Variants in CDH4 observed in about 807,000 individuals in gnomAD.
CDH4 encodes cadherin-4.
Under a neutral mutation model 86.0 loss-of-function variants are expected in CDH4, and 33 were observed. The observed-to-expected ratio is 0.38, with a 90% CI of 0.29 to 0.51. The LOEUF (loss-of-function observed/expected upper bound fraction) is 0.51. CDH4 is among the 20% of genes least tolerant of loss of function. The probability of loss-of-function intolerance (pLI) is 0.86; values close to 1 mark genes in which losing one functional copy is unlikely to be tolerated. For synonymous variants in CDH4, 555 were observed against 549.4 expected, an observed-to-expected ratio of 1.01 and a Z score of -0.14; for missense variants, 1,114 against 1,307.4, an observed-to-expected ratio of 0.85 and a Z score of 2.28.
chr20:61,665,218 G>A (rs1170475411), intron 2 of CDH4, among the ~76,000 whole-genome samples: 1 of 152,236 alleles, frequency 6.6e-6, no homozygotes, highest in Non-Finnish European at 1.5e-5. Context: ...GGGAAGGCGA[G>A]CACCATGCTG....
chr20:61,913,118 A>T (rs1297217733), intron 9 of CDH4, among the ~76,000 whole-genome samples: 1 of 152,042 alleles, frequency 6.6e-6, no homozygotes, highest in Non-Finnish European at 1.5e-5. Context: ...CTTCACGGGG[A>T]GCACAACGGG....
In CDH4 at chr20:61,918,114, TG is replaced by T. The variant is rs113191996; in HGVS notation, c.1375-5330del. Among the ~76,000 whole-genome samples the T allele has an allele frequency of 5.1e-4, 78 of 152,280 alleles. 1 individual carries two copies. Among genetic ancestry groups the T allele is most frequent in the African/African-American group, 1.8e-3 (74 of 41,554 alleles). ...CTGCAGGCGTTGGCATGGACAGCTC[TG>T]GGGGGGACCCCAACACGATGTGGGT... On this transcript the variant is annotated intron_variant, in intron 9 of 15. Transcript: ENST00000614565.
chr20:61,573,451 T>C (rs1052501248), intron 2 of CDH4, among the ~76,000 whole-genome samples: 1 of 152,252 alleles, frequency 6.6e-6, no homozygotes, highest in African/African-American at 2.4e-5. Context: ...GGACTGTTGC[T>C]ATAATTAGAC....
At chr20:61,766,312 C>T (rs74755259) in intron 3 of CDH4, among the ~76,000 whole-genome samples, 3,679 of 152,174 alleles carry the variant, frequency 0.024, 146 homozygotes, top group African/African-American at 0.084. Flanking sequence ...TGGGACACCC[C>T]GAGTTCGCCT....
At chr20:61,648,032 C>T (rs1321862769) in intron 2 of CDH4, among the ~76,000 whole-genome samples, 1 of 152,150 alleles carries the variant, frequency 6.6e-6, no homozygotes. Context: ...AGACGCTTCC[C>T]AATTAGGGGC....
chr20:61,772,970 T>A, intron 3 of CDH4, 33 bp from the exon 4 acceptor site: 1 of 1,587,154 alleles, frequency 6.3e-7, no homozygotes, highest in Non-Finnish European at 8.6e-7. Flanking sequence ...TAACTGGACT[T>A]CTCTGCCTCT....
chr20:61,519,889 C>T (rs2085856268), intron 2 of CDH4, among the ~76,000 whole-genome samples: 1 of 152,186 alleles, frequency 6.6e-6, no homozygotes, highest in Admixed American at 6.5e-5. Context: ...TCATGCCCAC[C>T]TGAGACATGA....
At chr20:61,490,865 G>T (rs896328895) in intron 2 of CDH4, among the ~76,000 whole-genome samples, 1 of 152,054 alleles carries the variant, frequency 6.6e-6, no homozygotes, top group African/African-American at 2.4e-5. Context: ...TTAAAGAAAC[G>T]TAAAGTTACA....
intron 7 of CDH4, among the ~76,000 whole-genome samples, chr20:61,888,281 A>T (rs779878303): frequency 3.9e-5 from 6 of 152,170 alleles, no homozygotes; most frequent in Non-Finnish European, 8.8e-5. Flanking sequence ...TTGGGTTCTC[A>T]TTGGCAAGCC....
intron 11 of CDH4, 49 bp from the exon 12 acceptor site, chr20:61,928,141 C>A (rs376240042): frequency 1.3e-5 from 19 of 1,441,290 alleles, no homozygotes; most frequent in Admixed American, 1.7e-5. Context: ...GTGGGTTGGT[C>A]ATGGAGTACC....
rs2084067336 is a variant in CDH4, at chr20:61,252,538, C to T, written c.25C>T (p.Leu9Phe). Residue 9 changes from leucine to phenylalanine, a missense_variant, in exon 1 of 16, where the codon CTT becomes TTT. Around this residue, in one of 3 missense-constraint regions of CDH4, gnomAD observed 221 missense variants for 209.5 expected, o/e 1.05. Coordinates refer to ENST00000614565, the MANE Select transcript of CDH4 (RefSeq NM_001794.5). The surrounding 1 kb of genome is among the most constrained non-coding windows in gnomAD (Gnocchi z 4.4). ...GATGACCGCGGGCGCCGGCGTGCTC[C>T]TTCTGCTGCTCTCGCTCTCCGGCGC... MTAGAGVL[L>F]LLLSLSGALR... 2.5e-6 allele frequency: 3 copies of T among 1,201,062 alleles called. No individual in the cohort carries two copies. The highest frequency in any genetic ancestry group is 4.4e-5 in the Admixed American group (1 of 22,522). The allele number at this position is 1,201,062 out of a possible 1,614,324, so 74.4% of individuals were successfully genotyped here.
intron 2 of CDH4, among the ~76,000 whole-genome samples, chr20:61,443,522 G>C (rs1250704348): frequency 1.3e-5 from 2 of 152,146 alleles, no homozygotes; most frequent in African/African-American, 4.8e-5. Flanking sequence ...TTTTGTCTTG[G>C]CATACCTTTC....
intron 2 of CDH4, among the ~76,000 whole-genome samples, chr20:61,315,443 C>G (rs951096643): frequency 1.3e-5 from 2 of 152,128 alleles, no homozygotes; most frequent in East Asian, 3.9e-4. Flanking sequence ...AGCCAGCCAG[C>G]CTCAGACAGA....
At position 61,534,665 on chromosome 20, in the gene CDH4, C is replaced by CTTTTTTTTTTTT. The variant is rs34309371; in HGVS notation, c.170-208887_170-208876dup. Among the ~76,000 whole-genome samples the CTTTTTTTTTTTT allele has an allele frequency of 1.4e-3, 108 of 76,006 alleles. 4 individuals are homozygous for CTTTTTTTTTTTT. Among genetic ancestry groups the CTTTTTTTTTTTT allele is most frequent in the African/African-American group, 5.3e-3 (49 of 9,306 alleles). The allele number at this position is 76,006 out of a possible 152,430, so 49.9% of individuals were successfully genotyped here. A position where few individuals can be genotyped will look rare whatever the true frequency, so the allele number is the denominator to read the frequency against. ...CTTTCTTTCTTTTCTTTCTTTCTTT[C>CTTTTTTTTTTTT]TTTTTTTTTTTTTTTTTTTTTTGAG... On this transcript the variant is annotated intron_variant, in intron 2 of 15. Transcript: ENST00000614565.
At position 61,754,392 on chromosome 20, in the gene CDH4, C is replaced by T. The variant is rs76318355; in HGVS notation, c.396+10603C>T. Among the ~76,000 whole-genome samples the T allele has an allele frequency of 0.12, 18,862 of 152,072 alleles. 1,575 individuals carry two copies. Among genetic ancestry groups the T allele is most frequent in the African/African-American group, 0.23 (9,456 of 41,442 alleles). On this transcript the variant is annotated intron_variant, in intron 3 of 15. Coordinates refer to ENST00000614565, the MANE Select transcript of CDH4 (RefSeq NM_001794.5). This position sits in a 1 kb window ranked among gnomAD's most constrained non-coding sequence, Gnocchi z 4.7. ...GAATCCTCTTGATGCAGCCACTCTT[C>T]CCTCCAGGGCTGTTGAGGACAAGTC...
intron 2 of CDH4, among the ~76,000 whole-genome samples, chr20:61,304,444 C>T (rs1022487706): frequency 5.9e-5 from 9 of 152,110 alleles, no homozygotes; most frequent in Non-Finnish European, 8.8e-5. Context: ...CTTCTCTAAA[C>T]GATGAGCCCC....
At chr20:61,372,252 A>G (rs2084844998) in intron 2 of CDH4, among the ~76,000 whole-genome samples, 1 of 152,182 alleles carries the variant, frequency 6.6e-6, no homozygotes, top group South Asian at 2.1e-4. Context: ...GGGAAGTCAC[A>G]CAGAGGTGAC....
rs201934323 is a variant in CDH4, at chr20:61,706,427, A to G, written c.170-37136A>G. Among the ~76,000 whole-genome samples the G allele has an allele frequency of 5.3e-5, 8 of 152,326 alleles. No homozygotes were observed. The East Asian group carries it at 1.5e-3, about 29-fold the overall frequency. ...ATTTGCCGCAGACCCCCTTCTCTCA[A>G]CAATAACATGTGGGGCACGGTCTTA... is the stretch of plus-strand genomic sequence containing the variant. On this transcript the variant is annotated intron_variant, in intron 2 of 15. Coordinates refer to ENST00000614565, the MANE Select transcript of CDH4 (RefSeq NM_001794.5).
At chr20:61,757,233 ACC>A (rs5842364) in intron 3 of CDH4, among the ~76,000 whole-genome samples, 20 of 142,804 alleles carry the variant, frequency 1.4e-4, no homozygotes, top group East Asian at 6.1e-4. Context: ...CAGAACACAG[ACC>A]CCCCCCCCAG....
Sources: allele counts gnomAD v4.1 joint callset (sites outside exome capture counted in the v4.1 genomes callset), GRCh38; gene constraint gnomAD v4.1.1; regional missense constraint gnomAD v4.1.1; non-coding constraint Gnocchi (gnomAD v3.1); transcripts MANE v1.5; gene names NCBI Gene and HGNC (gene_info 2026-07-23, HGNC 2026-07-21).